Variants in TLN2 observed in about 807,000 individuals in gnomAD.
TLN2 encodes talin-2.
Under a neutral mutation model 294.7 loss-of-function variants are expected in TLN2, and 118 were observed. That is an observed-to-expected ratio of 0.40 (90% CI 0.34 to 0.47). The LOEUF (loss-of-function observed/expected upper bound fraction) is 0.47. TLN2 is among the 20% of genes least tolerant of loss of function. TLN2 has a pLI of 0.84. For synonymous variants in TLN2, 1,431 were observed against 1,304.5 expected (o/e 1.10, Z -2.09); for missense variants, 3,083 against 3,282.2 (o/e 0.94, Z 1.48).
At chr15:62,736,615 G>A (rs1362842565) in intron 28 of TLN2, among the ~76,000 whole-genome samples, 2 of 152,048 alleles carry the variant, frequency 1.3e-5, no homozygotes, top group Non-Finnish European at 2.9e-5. Flanking sequence ...AGGGACAGTG[G>A]GGCAGTGGGA....
chr15:62,746,604 T>G (rs1190380156), intron 32 of TLN2, among the ~76,000 whole-genome samples: 3 of 152,260 alleles, frequency 2.0e-5, no homozygotes, highest in African/African-American at 7.2e-5. Context: ...CAACATCATT[T>G]TCTGTCTAAT....
At chr15:62,670,766 G>C (rs2055305715) in intron 9 of TLN2, among the ~76,000 whole-genome samples, 1 of 152,132 alleles carries the variant, frequency 6.6e-6, no homozygotes, top group Admixed American at 6.5e-5. Flanking sequence ...TGCTGTGAAC[G>C]TTTGTGTACA....
chr15:62,424,406 T>C (rs1244938159), intron 1 of TLN2, among the ~76,000 whole-genome samples: 1 of 152,144 alleles, frequency 6.6e-6, no homozygotes, highest in Non-Finnish European at 1.5e-5. Flanking sequence ...CTGTCTTCCT[T>C]GAGTGAGATC....
chr15:62,682,702 T>G (rs1280229574), intron 11 of TLN2, among the ~76,000 whole-genome samples: 1 of 152,318 alleles, frequency 6.6e-6, no homozygotes, highest in East Asian at 1.9e-4. Flanking sequence ...TTTCATTGCC[T>G]TCTTTTGCAT....
At chr15:62,461,673 G>A (rs2036813155) in intron 1 of TLN2, among the ~76,000 whole-genome samples, 2 of 152,188 alleles carry the variant, frequency 1.3e-5, no homozygotes. Context: ...AGAGGGAGAG[G>A]AGCAGTTGTT....
In TLN2 at chr15:62,751,145, A is replaced by G. The variant is rs79271433; in HGVS notation, c.4209+654A>G. Among the ~76,000 whole-genome samples, 3 of 145,372 alleles carry G rather than the reference A, an allele frequency of 2.1e-5. No homozygotes were observed. In the Admixed American group the frequency reaches 2.1e-4, roughly 10 times the overall value. ...AAAGGCTCCTTAGTGGAACAATAATAAAAAAAAAAACTGTTGAGAAACACT... is the reference window on the plus strand; with the variant it reads ...AAAGGCTCCTTAGTGGAACAATAATGAAAAAAAAAACTGTTGAGAAACACT... On this transcript the variant is annotated intron_variant, in intron 34 of 58. Coordinates refer to ENST00000636159, the MANE Select transcript of TLN2 (RefSeq NM_015059.3).
Position 62,549,957 on chromosome 15 carries a change from G to A in TLN2, c.-237-39730G>A, listed in dbSNP as rs114678011. 5.0e-3 allele frequency among the ~76,000 whole-genome samples: 757 copies of A among 152,180 alleles called. 13 individuals carry two copies. Among genetic ancestry groups the A allele is most frequent in the African/African-American group, 0.016 (681 of 41,532 alleles). Reference sequence around the variant, plus strand: ...AGATTCTGATCAATCGATTGGGAATGTGGTCTGGGCAACATACTTTAATCT... The same window carrying A: ...AGATTCTGATCAATCGATTGGGAATATGGTCTGGGCAACATACTTTAATCT... On this transcript the variant is annotated intron_variant, in intron 1 of 58. Transcript: ENST00000636159.
At chr15:62,640,510 G>C in intron 3 of TLN2, 1 of 374,154 alleles carries the variant, frequency 2.7e-6, no homozygotes, top group East Asian at 7.2e-5. Flanking sequence ...AGCCCCCATT[G>C]TGCCCCCCTA....
chr15:62,629,518 G>C (rs1463948463), intron 3 of TLN2, among the ~76,000 whole-genome samples: 1 of 152,084 alleles, frequency 6.6e-6, no homozygotes. Flanking sequence ...TTTTTGACCT[G>C]CCCTTTTGTG....
chr15:62,680,621 T>A (rs2056739564), intron 11 of TLN2, among the ~76,000 whole-genome samples: 1 of 152,084 alleles, frequency 6.6e-6, no homozygotes, highest in African/African-American at 2.4e-5. Flanking sequence ...TAAGCGTTTT[T>A]TTTGTTACAT....
intron 5 of TLN2, among the ~76,000 whole-genome samples, chr15:62,650,626 A>T (rs1490524844): frequency 6.6e-6 from 1 of 152,238 alleles, no homozygotes; most frequent in Admixed American, 6.5e-5. Flanking sequence ...GATCAGTAGT[A>T]GTAACAGCAA....
chr15:62,824,090 A>G (rs1333807583), intron 54 of TLN2: 1 of 442,994 alleles, frequency 2.3e-6, no homozygotes, highest in South Asian at 1.7e-5. Flanking sequence ...AGGAAAGAAC[A>G]CGTTAAAATC....
chr15:62,607,824 G>A (rs886170140), intron 2 of TLN2, among the ~76,000 whole-genome samples: 4 of 152,200 alleles, frequency 2.6e-5, no homozygotes, highest in South Asian at 2.1e-4. Context: ...GCCATGGGGA[G>A]TGCACCCACA....
intron 1 of TLN2, among the ~76,000 whole-genome samples, chr15:62,439,579 C>T (rs911144405): frequency 1.3e-5 from 2 of 152,168 alleles, no homozygotes; most frequent in Non-Finnish European, 2.9e-5. Context: ...TCCCAAAGTG[C>T]TTGGATTACA....
intron 4 of TLN2, chr15:62,649,880 G>A: frequency 1.9e-6 from 1 of 526,382 alleles, no homozygotes; most frequent in Non-Finnish European, 3.4e-6. Flanking sequence ...GACCTTATTT[G>A]TGGGTGTTGC....
In TLN2 at chr15:62,825,737, T is replaced by TATAA. The variant is rs1474181328; in HGVS notation, c.7002+5127_7002+5128insATAA. 2.8e-4 allele frequency among the ~76,000 whole-genome samples: 31 copies of TATAA among 111,806 alleles called. 5 individuals are homozygous for TATAA. Among genetic ancestry groups the TATAA allele is most frequent in the African/African-American group, 1.3e-3 (30 of 22,446 alleles). 73.3% of individuals were successfully genotyped at this position (111,806 alleles called of 152,430 possible). A position where few individuals can be genotyped will look rare whatever the true frequency, so the allele number is the denominator to read the frequency against. ...ATATAAATATATATAAAAATATATT[T>TATAA]TTATATATATTAAATATAATTATAA... On this transcript the variant is annotated intron_variant, in intron 54 of 58. Transcript: ENST00000636159.
At chr15:62,617,979 T>TTTG (rs1321750364) in intron 2 of TLN2, among the ~76,000 whole-genome samples, 1 of 147,984 alleles carries the variant, frequency 6.8e-6, no homozygotes, top group African/African-American at 2.6e-5. Context: ...TTTTTTTTTT[T>TTTG]GTAGAGACAG....
chr15:62,642,749 GTGCAGTGGCACAA>G (rs2051288497), intron 3 of TLN2, among the ~76,000 whole-genome samples: 1 of 151,420 alleles, frequency 6.6e-6, no homozygotes, highest in South Asian at 2.1e-4. Flanking sequence ...CCAGGCTGGG[GTGCAGTGGCACAA>G]TCTCTGCTCA....
At chr15:62,799,038 C>G (rs1451714190) in intron 48 of TLN2, among the ~76,000 whole-genome samples, 1 of 152,188 alleles carries the variant, frequency 6.6e-6, no homozygotes, top group Non-Finnish European at 1.5e-5. Flanking sequence ...GTTGTCACAT[C>G]TGAGATCCCA....
Sources: allele counts gnomAD v4.1 joint callset (sites outside exome capture counted in the v4.1 genomes callset), GRCh38; gene constraint gnomAD v4.1.1; transcripts MANE v1.5; gene names NCBI Gene and HGNC (gene_info 2026-07-23, HGNC 2026-07-21).